CNGA1: variants seen among roughly 807,000 people sequenced by gnomAD.
CNGA1 encodes cyclic nucleotide gated channel subunit alpha 1.
A neutral mutation model predicts 69.7 loss-of-function variants in CNGA1; 53 were observed. The observed-to-expected ratio is 0.76, with a 90% CI of 0.61 to 0.96. The LOEUF is 0.96. Ranked by LOEUF, CNGA1 falls within the 40% of genes least tolerant of loss-of-function variation. The pLI is 0.00. For synonymous variants in CNGA1, 249 were observed against 283.5 expected (o/e 0.88, Z 1.22); for missense variants, 739 against 811.2 (o/e 0.91, Z 1.08).
At chr4:47,957,789 T>C (rs1465037845) in intron 3 of CNGA1, among the ~76,000 whole-genome samples, 2 of 152,130 alleles carry the variant, frequency 1.3e-5, no homozygotes, top group African/African-American at 4.8e-5. Context: ...ACTGACCAGA[T>C]ACAAACAGTA....
At chr4:48,003,949 GGCCTGACATTAGTCAGGCCC>G (rs1332139888) in intron 2 of CNGA1, among the ~76,000 whole-genome samples, 1 of 149,020 alleles carries the variant, frequency 6.7e-6, no homozygotes, top group African/African-American at 2.5e-5. Flanking sequence ...TCTTGTGGAA[GGCCTGACATTAGTCAGGCCC>G]GCCCGCAGTT....
intron 3 of CNGA1, among the ~76,000 whole-genome samples, chr4:47,973,106 C>T (rs1278247515): frequency 1.1e-4 from 16 of 142,582 alleles, no homozygotes; most frequent in South Asian, 2.2e-4. Flanking sequence ...CTTGCTCTGC[C>T]GCCCAGGCTG....
At chr4:48,012,831 G>C (rs534372928) in intron 1 of CNGA1, 3 of 151,918 alleles carry the variant, frequency 2.0e-5, no homozygotes, top group African/African-American at 7.3e-5. Flanking sequence ...GAGAAATTAA[G>C]ACCAGTTGGT....
chr4:48,009,519 G>A (rs1210804969), intron 2 of CNGA1, among the ~76,000 whole-genome samples: 1 of 148,048 alleles, frequency 6.8e-6, no homozygotes, highest in Non-Finnish European at 1.5e-5. Flanking sequence ...AAAAAGCATT[G>A]GACAGCCACG....
At position 47,942,160 on chromosome 4, in the gene CNGA1, T is replaced by C. The variant is rs1448028183; in HGVS notation, c.438-12A>G. 1 of 1,539,726 alleles carries C rather than the reference T, an allele frequency of 6.5e-7. No homozygotes were observed. Among genetic ancestry groups the C allele is most frequent in the South Asian group, 1.1e-5 (1 of 89,542 alleles). ...CTTCTTTCTTCTCCCTAGCGGCAAT[T>C]AGAAATAAAGGGGATAGTTACCAAG... On this transcript the variant is annotated splice_polypyrimidine_tract_variant and intron_variant, in intron 8 of 10. Coordinates refer to ENST00000514170, the MANE Select transcript of CNGA1 (RefSeq NM_001379270.1).
chr4:47,937,051 A>G lies in CNGA1; in HGVS notation c.1431T>C (p.Ala477=), dbSNP rs767624360. Residue 477 remains alanine, a synonymous_variant, in exon 11 of 11, where the codon GCT becomes GCC. Transcript: ENST00000514170. The part of the protein sequence containing the change: ...LDTLKKVRIF[A]DCEAGLLVEL... ...CCACCAACAGACCAGCTTCACAATCAGCAAAAATGCGTACCTTTTTTAATG... is the reference window on the plus strand; with the variant it reads ...CCACCAACAGACCAGCTTCACAATCGGCAAAAATGCGTACCTTTTTTAATG... The G allele has an allele frequency of 4.3e-6, 7 of 1,614,084 alleles. No homozygotes were observed. The highest frequency in any genetic ancestry group is 5.9e-6 in the Non-Finnish European group (7 of 1,180,046).
intron 3 of CNGA1, among the ~76,000 whole-genome samples, chr4:47,963,318 C>T (rs1442581736): frequency 1.3e-5 from 2 of 152,184 alleles, no homozygotes; most frequent in African/African-American, 4.8e-5. Flanking sequence ...GTGTGATGGC[C>T]TTTGCAAAGC....
intron 2 of CNGA1, among the ~76,000 whole-genome samples, chr4:48,009,780 G>A (rs1004088748): frequency 6.6e-6 from 1 of 152,212 alleles, no homozygotes; most frequent in East Asian, 1.9e-4. Context: ...CTCCAGCCTG[G>A]GCGACAGGAG....
rs1290133925 is a variant in CNGA1 at position 47,981,400 on chromosome 4, T to C, written c.-22A>G. 6.6e-6 allele frequency: 1 copy of C among 152,220 alleles called. No homozygotes were observed. The allele number at this position is 152,220 out of a possible 1,614,324, so 9.4% of individuals were successfully genotyped here. On this transcript the variant is annotated 5_prime_UTR_variant, in exon 3 of 11. Transcript: ENST00000514170. ...TTATCACTGGGTTCTTACCTTTGGT[T>C]GTTTAAGTAATATAACTTTGTCTTC...
chr4:48,002,600 C>T (rs1035631353), intron 2 of CNGA1, among the ~76,000 whole-genome samples: 6 of 150,492 alleles, frequency 4.0e-5, no homozygotes, highest in African/African-American at 1.5e-4. Context: ...TCAAAGCTGC[C>T]CTTCTGTGGG....
intron 2 of CNGA1, among the ~76,000 whole-genome samples, chr4:47,997,508 T>A (rs1714433921): frequency 6.6e-6 from 1 of 152,186 alleles, no homozygotes; most frequent in East Asian, 1.9e-4. Context: ...TTATTGTACA[T>A]GTCTGGTTAG....
chr4:47,985,600 T>C (rs985874402), intron 2 of CNGA1, among the ~76,000 whole-genome samples: 6 of 152,186 alleles, frequency 3.9e-5, no homozygotes, highest in Non-Finnish European at 5.9e-5. Flanking sequence ...TGAAACTTCA[T>C]AGAACTTGTC....
intron 3 of CNGA1, among the ~76,000 whole-genome samples, chr4:47,979,911 A>T (rs1741608450): frequency 6.6e-6 from 1 of 151,694 alleles, no homozygotes; most frequent in Non-Finnish European, 1.5e-5. Flanking sequence ...TTTTGAAAAA[A>T]TTTTTTTCTC....
chr4:47,966,172 G>A (rs1740712682), intron 3 of CNGA1, among the ~76,000 whole-genome samples: 1 of 152,308 alleles, frequency 6.6e-6, no homozygotes, highest in South Asian at 2.1e-4. Context: ...AACATGAACT[G>A]TGAATACATG....
At chr4:47,985,783 TA>T (rs1282839119) in intron 2 of CNGA1, among the ~76,000 whole-genome samples, 1 of 151,470 alleles carries the variant, frequency 6.6e-6, no homozygotes, top group African/African-American at 2.4e-5. Flanking sequence ...AAACCATATT[TA>T]AGAATGAACT....
intron 1 of CNGA1, among the ~76,000 whole-genome samples, chr4:48,012,629 T>G (rs2109358377): frequency 7.2e-6 from 1 of 139,150 alleles, no homozygotes; most frequent in African/African-American, 2.6e-5. Flanking sequence ...TCCCCATAAT[T>G]TGGAACTTTC....
chr4:47,994,535 C>T (rs185008149), intron 2 of CNGA1, among the ~76,000 whole-genome samples: 9 of 151,960 alleles, frequency 5.9e-5, no homozygotes, highest in Admixed American at 5.9e-4. Flanking sequence ...CTTTTTCCAC[C>T]CCTTTATCTT....
chr4:47,943,244 T>G lies in CNGA1; in HGVS notation c.374A>C (p.Lys125Thr), dbSNP rs766903165. ...CTTCTCTTTGTCCTTTTTCTTCTTTTTCTTCTCTGGGTCGTTTTTATTTTC... is the reference window on the plus strand; with the variant it reads ...CTTCTCTTTGTCCTTTTTCTTCTTTGTCTTCTCTGGGTCGTTTTTATTTTC... ...KNENKNDPEK[K>T]KKKKDKEKKK... is the part of the protein sequence containing the mutation. The change falls in exon 8 of 11, where the codon AAA (lysine) becomes ACA (threonine). Residue 125 changes from lysine (K) to threonine (T), a missense_variant. By Grantham distance (78) the Lys-to-Thr change is moderately conservative (BLOSUM62 -1). Coordinates refer to ENST00000514170, the MANE Select transcript of CNGA1 (RefSeq NM_001379270.1). 3.8e-6 allele frequency: 6 copies of G among 1,589,714 alleles called. No individual in the cohort carries two copies. The highest frequency in any genetic ancestry group is 8.6e-7 in the Non-Finnish European group (1 of 1,167,618).
chr4:48,009,707 G>A (rs1715068509), intron 2 of CNGA1, among the ~76,000 whole-genome samples: 1 of 151,982 alleles, frequency 6.6e-6, no homozygotes, highest in African/African-American at 2.4e-5. Context: ...GGGAGGCTGA[G>A]GCAGGAGAAT....
Sources: allele counts gnomAD v4.1 joint callset (sites outside exome capture counted in the v4.1 genomes callset), GRCh38; gene constraint gnomAD v4.1.1; transcripts MANE v1.5; gene names NCBI Gene and HGNC (gene_info 2026-07-23, HGNC 2026-07-21).